Variants in GRIN2B observed in about 807,000 individuals in gnomAD.
GRIN2B encodes glutamate receptor ionotropic, NMDA 2B.
A neutral mutation model predicts 114.5 loss-of-function variants in GRIN2B; 5 were observed. That is an observed-to-expected ratio of 0.04 (90% CI 0.02 to 0.09). GRIN2B has a LOEUF of 0.09. GRIN2B is among the 10% of genes least tolerant of loss of function. The pLI, the probability that GRIN2B is intolerant of heterozygous loss-of-function variation, is 1.00. For synonymous variants in GRIN2B, 787 were observed against 745.1 expected, an observed-to-expected ratio of 1.06 and a Z score of -0.92; for missense variants, 1,108 against 1,943.5, an observed-to-expected ratio of 0.57 and a Z score of 8.08.
chr12:13,907,163 T>C (rs1036320460), intron 2 of GRIN2B, among the ~76,000 whole-genome samples: 3 of 152,148 alleles, frequency 2.0e-5, no homozygotes, highest in African/African-American at 7.2e-5. Flanking sequence ...TATACAACAA[T>C]ATGAAAGAAT....
At chr12:13,830,044 C>G (rs188675346) in intron 3 of GRIN2B, among the ~76,000 whole-genome samples, 113 of 152,250 alleles carry the variant, frequency 7.4e-4, no homozygotes, top group African/African-American at 2.5e-3. Context: ...GACCCACTAT[C>G]TGGAAGGCAG....
intron 2 of GRIN2B, among the ~76,000 whole-genome samples, chr12:13,875,676 T>C (rs982508986): frequency 1.3e-5 from 2 of 152,154 alleles, no homozygotes; most frequent in Non-Finnish European, 2.9e-5. Flanking sequence ...ATAATAATCA[T>C]GTTGTTTTGT....
intron 5 of GRIN2B, 74 bp downstream of exon 5, chr12:13,675,671 C>CGTCG: frequency 1.2e-6 from 1 of 849,612 alleles, no homozygotes; most frequent in Non-Finnish European, 2.1e-6. Flanking sequence ...CAAAGGACTA[C>CGTCG]TTTCCTTCAT....
intron 10 of GRIN2B, among the ~76,000 whole-genome samples, chr12:13,602,705 C>A (rs1949177665): frequency 6.6e-6 from 1 of 152,162 alleles, no homozygotes. Context: ...TTCCAGACCC[C>A]CATGGGACTT....
At chr12:13,692,238 T>C (rs980853474) in intron 4 of GRIN2B, among the ~76,000 whole-genome samples, 1 of 152,040 alleles carries the variant, frequency 6.6e-6, no homozygotes. Flanking sequence ...GCAGGTAAAA[T>C]GGAAACTATG....
chr12:13,745,149 G>A (rs905672873), intron 4 of GRIN2B, among the ~76,000 whole-genome samples: 2 of 152,132 alleles, frequency 1.3e-5, no homozygotes, highest in African/African-American at 4.8e-5. Context: ...CTCTCGGGAA[G>A]CTCATGTTAG....
At chr12:13,613,214 T>C (rs1338456840) in intron 8 of GRIN2B, among the ~76,000 whole-genome samples, 5 of 152,220 alleles carry the variant, frequency 3.3e-5, no homozygotes, top group African/African-American at 1.2e-4. Flanking sequence ...TCTACCCTGA[T>C]TTCCCTTTTG....
intron 5 of GRIN2B, among the ~76,000 whole-genome samples, chr12:13,622,666 T>C (rs143849726): frequency 3.9e-4 from 59 of 152,180 alleles, no homozygotes; most frequent in Middle Eastern, 3.4e-3. Context: ...AATATAAAGG[T>C]GCTGGCATCT....
chr12:13,746,814 A>G (rs959507337), intron 4 of GRIN2B, among the ~76,000 whole-genome samples: 1 of 152,108 alleles, frequency 6.6e-6, no homozygotes, highest in Admixed American at 6.5e-5. Flanking sequence ...TTATTTGAAG[A>G]GACTGGCACT....
In GRIN2B at chr12:13,551,747, A is replaced by G. The variant is rs990681770; in HGVS notation, c.*11036T>C. On this transcript the variant is annotated 3_prime_UTR_variant, in exon 14 of 14. Transcript: ENST00000609686. ...GTTGTGCTGTTCAGGTGAATATCTG[A>G]GAGCAAAGTATAAACTACTGAGAGT... 3 of 152,188 alleles carry G rather than the reference A, an allele frequency of 2.0e-5. No individual in the cohort carries two copies. The highest frequency in any genetic ancestry group is 7.2e-5 in the African/African-American group (3 of 41,452). The allele number at this position is 152,188 out of a possible 1,614,324, so 9.4% of individuals were successfully genotyped here.
chr12:13,718,912 C>G (rs1327403096), intron 4 of GRIN2B, among the ~76,000 whole-genome samples: 1 of 151,986 alleles, frequency 6.6e-6, no homozygotes, highest in Non-Finnish European at 1.5e-5. Flanking sequence ...TAAAGATGCC[C>G]TTTGTAGACC....
At chr12:13,742,113 T>C (rs1863297860) in intron 4 of GRIN2B, among the ~76,000 whole-genome samples, 1 of 152,222 alleles carries the variant, frequency 6.6e-6, no homozygotes, top group Admixed American at 6.5e-5. Context: ...TAAGCTCTTA[T>C]TGATGACTTA....
At chr12:13,964,807 G>GT (rs1394640213) in intron 2 of GRIN2B, among the ~76,000 whole-genome samples, 3 of 152,366 alleles carry the variant, frequency 2.0e-5, no homozygotes, top group South Asian at 2.1e-4. Context: ...TTCACAGGCT[G>GT]TAAGCCAGGC....
chr12:13,773,157 G>A (rs1026139637), intron 3 of GRIN2B, among the ~76,000 whole-genome samples: 11 of 152,174 alleles, frequency 7.2e-5, no homozygotes, highest in African/African-American at 2.7e-4. Flanking sequence ...TACTTGGCAA[G>A]TTCCTACCCA....
chr12:13,804,872 C>A (rs1864575159), intron 3 of GRIN2B, among the ~76,000 whole-genome samples: 1 of 152,124 alleles, frequency 6.6e-6, no homozygotes, highest in African/African-American at 2.4e-5. Context: ...TAACATCCTG[C>A]TCTTGAGGGC....
rs1482008438 is a variant in GRIN2B, at chr12:13,549,288, CTA to C, written c.*13493_*13494del. On this transcript the variant is annotated 3_prime_UTR_variant, in exon 14 of 14. Transcript: ENST00000609686. Reference sequence around the variant, plus strand: ...AGGTCTCATAAGTATTCTCAGGAGACTATTAATTTTGGAGCCCCCATGCTTCC... The same window carrying C: ...AGGTCTCATAAGTATTCTCAGGAGACTTAATTTTGGAGCCCCCATGCTTCC... The C allele has an allele frequency of 4.6e-5, 7 of 152,098 alleles. No individual in the cohort carries two copies. Among genetic ancestry groups the C allele is most frequent in the South Asian group, 2.1e-4 (1 of 4,824 alleles). The allele number at this position is 152,098 out of a possible 1,614,324, so 9.4% of individuals were successfully genotyped here. A position where few individuals can be genotyped will look rare whatever the true frequency, so the allele number is the denominator to read the frequency against.
chr12:13,859,662 T>G (rs982931993), intron 3 of GRIN2B, among the ~76,000 whole-genome samples: 62 of 152,180 alleles, frequency 4.1e-4, no homozygotes, highest in African/African-American at 1.3e-3. Flanking sequence ...AAGTCAAGCA[T>G]GTCTGAATTC....
chr12:13,962,085 T>TACACACACACACACACACAC (rs754107657), intron 2 of GRIN2B, among the ~76,000 whole-genome samples: 7 of 60,438 alleles, frequency 1.2e-4, no homozygotes, highest in African/African-American at 2.8e-4. Context: ...GTCTCTCTCA[T>TACACACACACACACACACAC]ACATACACAC....
At chr12:13,697,771 T>A (rs2136565022) in intron 4 of GRIN2B, among the ~76,000 whole-genome samples, 1 of 152,272 alleles carries the variant, frequency 6.6e-6, no homozygotes, top group South Asian at 2.1e-4. Context: ...ATTTCAAGAA[T>A]TTCACATTAA....
Sources: gnomAD v4.1 joint callset for allele counts (sites outside exome capture counted in the v4.1 genomes callset) on GRCh38, gnomAD v4.1.1 for gene constraint, MANE v1.5 for transcripts, NCBI Gene and HGNC (gene_info 2026-07-23, HGNC 2026-07-21) for gene names.